Variants in AIG1 observed in about 807,000 individuals in gnomAD.
AIG1 encodes androgen induced 1.
AIG1 carries 23 observed loss-of-function variants against 31.4 expected under a neutral mutation model. The ratio of observed to expected loss-of-function variants is 0.73; its 90% confidence interval spans 0.53 to 1.04. AIG1 has a LOEUF of 1.04. Ranked by LOEUF, AIG1 falls within the 50% of genes least tolerant of loss-of-function variation. The pLI is 0.00. For synonymous variants in AIG1, 100 were observed against 110.5 expected, an observed-to-expected ratio of 0.90 and a Z score of 0.60; for missense variants, 274 against 295.0, an observed-to-expected ratio of 0.93 and a Z score of 0.52.
intron 3 of AIG1, among the ~76,000 whole-genome samples, chr6:143,231,062 G>T (rs1045782413): frequency 9.9e-5 from 15 of 152,120 alleles, no homozygotes; most frequent in African/African-American, 3.4e-4. Flanking sequence ...TAAATGAACC[G>T]CCACCCAGCA....
Position 143,165,063 on chromosome 6 carries a change from G to T in AIG1, c.298-19G>T, listed in dbSNP as rs543514158. ...GATAGTCGATGAACTTGAAATAAAA[G>T]ATTTCTTTTTCCTTCCAGTTTGTTG... On this transcript the variant is annotated intron_variant, in intron 2 of 5. Coordinates refer to ENST00000357847, the MANE Select transcript of AIG1 (RefSeq NM_016108.4). 1.3e-6 allele frequency: 2 copies of T among 1,551,926 alleles called. No homozygotes were observed. The highest frequency in any genetic ancestry group is 4.5e-5 in the East Asian group (2 of 44,524).
rs151117140 is a variant in AIG1, at chr6:143,215,698, G to T, written c.399+50515G>T. Among the ~76,000 whole-genome samples the T allele has an allele frequency of 1.1e-3, 172 of 152,242 alleles. 2 individuals are homozygous for T. The East Asian group carries it at 0.018, about 16-fold the overall frequency. ...ACCTAGAAGATCCTAGCACCCATGT[G>T]CTAGGATATCAAAGCAAAAAGATGC... is the stretch of plus-strand genomic sequence containing the variant. On this transcript the variant is annotated intron_variant, in intron 3 of 5. Transcript: ENST00000357847.
rs1023257389 is a variant in AIG1 at position 143,297,048 on chromosome 6, G to A, written c.515+12823G>A. Among the ~76,000 whole-genome samples, 18 of 152,084 alleles carry A rather than the reference G, an allele frequency of 1.2e-4. No homozygotes were observed. Among genetic ancestry groups the A allele is most frequent in the African/African-American group, 4.3e-4 (18 of 41,404 alleles). The stretch of plus-strand genomic sequence containing the variant: ...GCTTACAGTCTATTGAAGGATACAG[G>A]GAACTAAAAAGCAATAGTCATCCAG... On this transcript the variant is annotated intron_variant, in intron 4 of 5. Transcript: ENST00000357847. The surrounding 1 kb of genome is among the most constrained non-coding windows in gnomAD (Gnocchi z 5.1).
In AIG1 at chr6:143,330,867, T is replaced by A. The variant is rs1215998604; in HGVS notation, c.516-2415T>A. ...ATTATTTAAGACAATGTCAGAATGA[T>A]GAAACTGCTTCTAATTTATGGACAA... On this transcript the variant is annotated intron_variant, in intron 4 of 5. Coordinates refer to ENST00000357847, the MANE Select transcript of AIG1 (RefSeq NM_016108.4). The surrounding 1 kb of genome is among the most constrained non-coding windows in gnomAD (Gnocchi z 4.4). Among the ~76,000 whole-genome samples the A allele has an allele frequency of 1.3e-5, 2 of 152,244 alleles. No individual in the cohort carries two copies. The highest frequency in any genetic ancestry group is 4.8e-5 in the African/African-American group (2 of 41,458).
chr6:143,065,962 C>T (rs867246194), intron 1 of AIG1, among the ~76,000 whole-genome samples: 75 of 152,256 alleles, frequency 4.9e-4, no homozygotes, highest in African/African-American at 1.6e-3. Context: ...CTCTTAGGGC[C>T]GTATCATACC....
chr6:143,152,106 T>A (rs192768343), intron 2 of AIG1, among the ~76,000 whole-genome samples: 2 of 152,330 alleles, frequency 1.3e-5, no homozygotes, highest in Admixed American at 1.3e-4. Context: ...ACAGTAGTAT[T>A]CTGGTCATAG....
intron 3 of AIG1, among the ~76,000 whole-genome samples, chr6:143,232,332 AG>A (rs1013155385): frequency 2.0e-5 from 3 of 152,192 alleles, no homozygotes; most frequent in African/African-American, 7.2e-5. Flanking sequence ...TCAGGTGTTA[AG>A]ACAGAAAGTC....
At chr6:143,113,466 G>T (rs1305225344) in intron 1 of AIG1, among the ~76,000 whole-genome samples, 1 of 151,662 alleles carries the variant, frequency 6.6e-6, no homozygotes, top group Non-Finnish European at 1.5e-5. Context: ...AGCCGGGCAT[G>T]GTGGCATGCG....
chr6:143,132,473 G>GTT (rs77246302), intron 1 of AIG1, among the ~76,000 whole-genome samples: 2 of 151,816 alleles, frequency 1.3e-5, no homozygotes, highest in South Asian at 2.1e-4. Context: ...ATGGTGATAT[G>GTT]TTTTTTTTCC....
chr6:143,270,180 C>A lies in AIG1; in HGVS notation c.400-13930C>A, dbSNP rs370105501. ...AGTTGGCTCAAAGTTACATAGCCAGCTAATGGTGAAAGACTTCCTGGCCCC... is the reference window on the plus strand; with the variant it reads ...AGTTGGCTCAAAGTTACATAGCCAGATAATGGTGAAAGACTTCCTGGCCCC... On this transcript the variant is annotated intron_variant, in intron 3 of 5. Transcript: ENST00000357847. Among the ~76,000 whole-genome samples, 30 of 152,270 alleles carry A rather than the reference C, an allele frequency of 2.0e-4. No individual in the cohort carries two copies. In the South Asian group the frequency reaches 6.2e-3, roughly 32 times the overall value.
chr6:143,215,231 T>C (rs1357314437), intron 3 of AIG1, among the ~76,000 whole-genome samples: 1 of 152,184 alleles, frequency 6.6e-6, no homozygotes, highest in East Asian at 1.9e-4. Context: ...TGCAAATTCT[T>C]CATTCTTTAA....
intron 3 of AIG1, among the ~76,000 whole-genome samples, chr6:143,185,254 A>G (rs1460296845): frequency 6.6e-6 from 1 of 151,574 alleles, no homozygotes; most frequent in East Asian, 1.9e-4. Flanking sequence ...TCTGAATCTG[A>G]TCTACTGAAT....
chr6:143,258,746 C>T lies in AIG1; in HGVS notation c.400-25364C>T, dbSNP rs182635003. 5.3e-5 allele frequency among the ~76,000 whole-genome samples: 8 copies of T among 152,282 alleles called. No homozygotes were observed. The highest frequency in any genetic ancestry group is 8.8e-5 in the Non-Finnish European group (6 of 68,016). On this transcript the variant is annotated intron_variant, in intron 3 of 5. Transcript: ENST00000357847. This position sits in a 1 kb window ranked among gnomAD's most constrained non-coding sequence, Gnocchi z 4.7. ...AAAAAAGTCTTATATTCTAGACCCA[C>T]CCCCTGTCAAAACTGAGGTTGAAAT... is the stretch of plus-strand genomic sequence containing the variant.
intron 4 of AIG1, among the ~76,000 whole-genome samples, chr6:143,305,758 G>A (rs9800570): frequency 0.13 from 20,155 of 151,872 alleles, 1,548 homozygotes; most frequent in East Asian, 0.35. Flanking sequence ...GTGCAGAGCT[G>A]AGTTCAATTC....
intron 3 of AIG1, chr6:143,187,428 A>G: frequency 6.5e-7 from 1 of 1,535,636 alleles, no homozygotes; most frequent in Non-Finnish European, 8.7e-7. Context: ...TTTTACACAG[A>G]ACTACAGTAT....
Position 143,327,593 on chromosome 6 carries a change from G to A in AIG1, c.516-5689G>A. ...TTCACCAAATAAGCTCTATACTTCA[G>A]TTACCTATGTACCTGTTACCACTTT... is the stretch of plus-strand genomic sequence containing the variant. On this transcript the variant is annotated intron_variant, in intron 4 of 5. Transcript: ENST00000357847. The surrounding 1 kb of genome is among the most constrained non-coding windows in gnomAD (Gnocchi z 5.3). 1 of 360,326 alleles carries A rather than the reference G, an allele frequency of 2.8e-6. No individual in the cohort carries two copies. Among genetic ancestry groups the A allele is most frequent in the Non-Finnish European group, 5.2e-6 (1 of 190,810 alleles). 22.3% of individuals were successfully genotyped at this position (360,326 alleles called of 1,614,324 possible).
chr6:143,074,937 G>T (rs980285785), intron 1 of AIG1, among the ~76,000 whole-genome samples: 1 of 152,160 alleles, frequency 6.6e-6, no homozygotes, highest in African/African-American at 2.4e-5. Context: ...AGAATGTTTG[G>T]TAGAATTTAC....
At position 143,339,529 on chromosome 6, in the gene AIG1, G is replaced by A. The variant is rs950325074; in HGVS notation, c.680-110G>A. 3.4e-5 allele frequency: 37 copies of A among 1,094,706 alleles called. No individual in the cohort carries two copies. In the African/African-American group the frequency reaches 4.6e-4, roughly 14 times the overall value. 67.8% of individuals were successfully genotyped at this position (1,094,706 alleles called of 1,614,324 possible). A position where few individuals can be genotyped will look rare whatever the true frequency, so the allele number is the denominator to read the frequency against. On this transcript the variant is annotated intron_variant, in intron 5 of 5. Transcript: ENST00000357847. ...GGGTGTGTCAGGAGGGTGAATGGGA[G>A]AAGTGAGGGCAGATGAGTGGATGTG...
At chr6:143,289,277 C>T (rs1238905405) in intron 4 of AIG1, among the ~76,000 whole-genome samples, 2 of 152,248 alleles carry the variant, frequency 1.3e-5, no homozygotes, top group Non-Finnish European at 2.9e-5. Flanking sequence ...TCAGGACCTC[C>T]TATCTGTTAT....
Sources: allele counts gnomAD v4.1 joint callset (sites outside exome capture counted in the v4.1 genomes callset), GRCh38; gene constraint gnomAD v4.1.1; non-coding constraint Gnocchi (gnomAD v3.1); transcripts MANE v1.5; gene names NCBI Gene and HGNC (gene_info 2026-07-23, HGNC 2026-07-21).